The following BCAS1 variants were observed in gnomAD, a reference collection of about 807,000 sequenced individuals.
BCAS1 encodes brain enriched myelin associated protein 1, also known as breast carcinoma-amplified sequence 1.
Under a neutral mutation model 65.4 loss-of-function variants are expected in BCAS1, and 46 were observed. The observed-to-expected ratio is 0.70, with a 90% CI of 0.55 to 0.90. BCAS1 has a LOEUF of 0.90. BCAS1 is among the 40% of genes least tolerant of loss of function. The pLI, the probability that BCAS1 is intolerant of heterozygous loss-of-function variation, is 0.00. For synonymous variants in BCAS1, 298 were observed against 293.5 expected, an observed-to-expected ratio of 1.02 and a Z score of -0.16; for missense variants, 793 against 771.2, an observed-to-expected ratio of 1.03 and a Z score of -0.33.
chr20:53,949,439 G>A lies in BCAS1; in HGVS notation c.1815+3993C>T, dbSNP rs778090207. On this transcript the variant is annotated intron_variant, in intron 12 of 12. Coordinates refer to ENST00000688948, the MANE Select transcript of BCAS1 (RefSeq NM_001366298.2). ...ACCTGACTAACGAGGACGTCACTGT[G>A]AGACAAAGATCATGCAGGGATCGGC... Among the ~76,000 whole-genome samples, 21 of 152,200 alleles carry A rather than the reference G, an allele frequency of 1.4e-4. 1 individual carries two copies. Among genetic ancestry groups the A allele is most frequent in the Admixed American group, 2.6e-4 (4 of 15,284 alleles).
intron 4 of BCAS1, among the ~76,000 whole-genome samples, chr20:54,022,141 G>C (rs533205167): frequency 6.6e-6 from 1 of 152,274 alleles, no homozygotes; most frequent in Admixed American, 6.5e-5. Flanking sequence ...CAACAATGGA[G>C]GACACCAGTA....
intron 11 of BCAS1, among the ~76,000 whole-genome samples, chr20:53,954,953 G>A (rs1428418217): frequency 6.6e-6 from 1 of 152,230 alleles, no homozygotes; most frequent in African/African-American, 2.4e-5. Flanking sequence ...TTTAAAAAAT[G>A]CAAAATGTCA....
rs556958321 is a variant in BCAS1, at chr20:53,982,771, C to T, written c.1275+2516G>A. ...ATAAGCTTTCTTACAAGAATATAAG[C>T]TAGGAAAGGGCAGACATTTGTTTAC... On this transcript the variant is annotated intron_variant, in intron 8 of 12. Transcript: ENST00000688948. 3.9e-5 allele frequency among the ~76,000 whole-genome samples: 6 copies of T among 152,246 alleles called. No individual in the cohort carries two copies. In the South Asian group the frequency reaches 1.0e-3, roughly 26 times the overall value.
At chr20:54,016,374 A>G (rs2091438918) in intron 4 of BCAS1, among the ~76,000 whole-genome samples, 1 of 152,210 alleles carries the variant, frequency 6.6e-6, no homozygotes, top group Non-Finnish European at 1.5e-5. Context: ...TACGTGTGAT[A>G]ATTTAATACA....
chr20:53,966,263 G>A (rs2108456), intron 10 of BCAS1, among the ~76,000 whole-genome samples: 21,362 of 152,208 alleles, frequency 0.14, 1,741 homozygotes, highest in South Asian at 0.21. Flanking sequence ...TAAAGAAAAT[G>A]TGGCTTATGT....
At chr20:54,065,402 G>T (rs1363683984) in intron 1 of BCAS1, among the ~76,000 whole-genome samples, 1 of 152,216 alleles carries the variant, frequency 6.6e-6, no homozygotes, top group Non-Finnish European at 1.5e-5. Flanking sequence ...AGTCAGGAGC[G>T]ATTTTGGCCC....
At chr20:53,953,765 A>G (rs2089608230) in intron 11 of BCAS1, 70 bp from the exon 12 acceptor site, 1 of 1,504,334 alleles carries the variant, frequency 6.6e-7, no homozygotes, top group African/African-American at 1.4e-5. Flanking sequence ...GGGAATAAAT[A>G]TGTTAAAACA....
chr20:54,035,190 A>T (rs1381885729), intron 3 of BCAS1, among the ~76,000 whole-genome samples: 1 of 150,948 alleles, frequency 6.6e-6, no homozygotes, highest in Non-Finnish European at 1.5e-5. Context: ...AGGAGGGCGG[A>T]TCATGAGGTC....
chr20:53,972,965 C>T (rs756307405), intron 9 of BCAS1, among the ~76,000 whole-genome samples: 8 of 152,292 alleles, frequency 5.3e-5, no homozygotes, highest in Non-Finnish European at 8.8e-5. Context: ...TGGTGGCTCA[C>T]GCCTGTAATC....
At chr20:54,025,748 C>A (rs2091658621) in intron 4 of BCAS1, among the ~76,000 whole-genome samples, 2 of 152,002 alleles carry the variant, frequency 1.3e-5, no homozygotes, top group Admixed American at 1.3e-4. Context: ...CAGCCATGTA[C>A]AATGTGGTAC....
chr20:53,962,312 T>A (rs898890389), intron 10 of BCAS1, among the ~76,000 whole-genome samples: 1 of 152,206 alleles, frequency 6.6e-6, no homozygotes, highest in Admixed American at 6.5e-5. Context: ...GCCTCCTCAT[T>A]TGGACTTTTA....
At chr20:54,015,435 C>G (rs1437529075) in intron 4 of BCAS1, among the ~76,000 whole-genome samples, 1 of 152,008 alleles carries the variant, frequency 6.6e-6, no homozygotes, top group Non-Finnish European at 1.5e-5. Context: ...ATTTTTTCCA[C>G]TACTCCTACC....
intron 4 of BCAS1, among the ~76,000 whole-genome samples, chr20:54,026,044 C>T (rs1404378485): frequency 2.0e-5 from 3 of 152,070 alleles, no homozygotes; most frequent in Admixed American, 2.0e-4. Context: ...AAAGTGGGCA[C>T]TCAGTATTTC....
At chr20:54,041,909 C>CAAAAAAAAAAA (rs796435949) in intron 3 of BCAS1, among the ~76,000 whole-genome samples, 10 of 79,768 alleles carry the variant, frequency 1.3e-4, no homozygotes, top group Non-Finnish European at 2.0e-4. Flanking sequence ...CTGTCTCCCC[C>CAAAAAAAAAAA]AAAAAAAAAA....
At chr20:54,006,502 G>C (rs1365385467) in intron 4 of BCAS1, among the ~76,000 whole-genome samples, 1 of 152,132 alleles carries the variant, frequency 6.6e-6, no homozygotes, top group African/African-American at 2.4e-5. Context: ...CCGAGGTCAG[G>C]TGTTCAAGAC....
In BCAS1 at chr20:53,966,905, C is replaced by T. The variant is rs1157189366; in HGVS notation, c.1485+1G>A. 1 of 1,605,602 alleles carries T rather than the reference C, an allele frequency of 6.2e-7. No homozygotes were observed. The stretch of plus-strand genomic sequence containing the variant: ...TCCTATACTGGAAGTAAGGGGCTTA[C>T]CATTTGTCTGAGAAACGCCATCAGA... On this transcript the variant is annotated splice_donor_variant, in intron 10 of 12. Coordinates refer to ENST00000688948, the MANE Select transcript of BCAS1 (RefSeq NM_001366298.2). LOFTEE classifies it high-confidence loss of function.
intron 10 of BCAS1, among the ~76,000 whole-genome samples, chr20:53,959,244 C>A (rs6127033): frequency 1.7e-4 from 26 of 151,156 alleles, no homozygotes; most frequent in East Asian, 7.7e-4. Context: ...GTGTACACCA[C>A]CATGTCCAGC....
At chr20:53,974,272 C>T (rs1156631917) in intron 9 of BCAS1, among the ~76,000 whole-genome samples, 1 of 152,164 alleles carries the variant, frequency 6.6e-6, no homozygotes, top group African/African-American at 2.4e-5. Context: ...TGTTCTTTCC[C>T]TCTTCACAAT....
In BCAS1 at chr20:54,058,119, C is replaced by G. The variant is rs2092324057; in HGVS notation, c.108G>C (p.Val36=). Residue 36 remains valine, a synonymous_variant, in exon 3 of 13, where the codon GTG becomes GTC. Transcript: ENST00000688948. ...AGTGCTGAACTGTGTGGGTCGACAC[C>G]ACCACTGGAACCCCGTTCAGAGCAG... is the stretch of plus-strand genomic sequence containing the variant. The part of the protein sequence containing the change: ...NASALNGVPV[V]VSTHTVQHLE... 1 of 1,613,812 alleles carries G rather than the reference C, an allele frequency of 6.2e-7. No individual in the cohort carries two copies. The highest frequency in any genetic ancestry group is 8.5e-7 in the Non-Finnish European group (1 of 1,179,982).
Sources: gnomAD v4.1 joint callset for allele counts (sites outside exome capture counted in the v4.1 genomes callset) on GRCh38, gnomAD v4.1.1 for gene constraint, MANE v1.5 for transcripts, NCBI Gene and HGNC (gene_info 2026-07-23, HGNC 2026-07-21) for gene names.